The following ART3 variants were observed in gnomAD, a reference collection of about 807,000 sequenced individuals.
ART3 encodes the protein ADP-ribosyltransferase 3 (inactive), also known as ecto-ADP-ribosyltransferase 3.
ART3 carries 49 observed loss-of-function variants against 48.5 expected under a neutral mutation model. That is an observed-to-expected ratio of 1.01 (90% CI 0.80 to 1.28). The LOEUF (loss-of-function observed/expected upper bound fraction) is 1.28. ART3 is among the 50% of genes most tolerant of loss of function. The pLI, the probability that ART3 is intolerant of heterozygous loss-of-function variation, is 0.00. For missense variants in ART3, 438 were observed against 454.3 expected, an observed-to-expected ratio of 0.96 and a Z score of 0.33; for synonymous variants, 145 against 157.2, an observed-to-expected ratio of 0.92 and a Z score of 0.58.
chr4:76,081,953 G>A lies in ART3; in HGVS notation c.199G>A (p.Asp67Asn), dbSNP rs1277938285. 1.2e-6 allele frequency: 2 copies of A among 1,614,070 alleles called. No homozygotes were observed. Among genetic ancestry groups the A allele is most frequent in the African/African-American group, 2.7e-5 (2 of 74,938 alleles). ...GGAAAAAGCAAGCCACCAGCAATTA[G>A]ATACTGTGTGGGAAAATGCAAAAGC... ...KEEKASHQQL[D>N]TVWENAKAKW... Residue 67 changes from aspartate to asparagine, a missense_variant, in exon 3 of 12, where the codon GAT becomes AAT. Physicochemically the swap from Asp to Asn is conservative, Grantham distance 23. Around this residue, in one of 3 missense-constraint regions of ART3, gnomAD observed 206 missense variants for 205.3 expected, o/e 1.00. Transcript: ENST00000355810.
chr4:76,089,402 G>A (rs966511589), intron 3 of ART3, among the ~76,000 whole-genome samples: 3 of 152,108 alleles, frequency 2.0e-5, no homozygotes, highest in African/African-American at 7.2e-5. Flanking sequence ...CGTCCCCTTT[G>A]TGCTGTTATC....
intron 3 of ART3, among the ~76,000 whole-genome samples, chr4:76,096,410 C>G (rs904062631): frequency 7.2e-4 from 109 of 152,326 alleles, no homozygotes; most frequent in African/African-American, 2.3e-3. Flanking sequence ...GACTTGAGAG[C>G]AGATTATAGA....
intron 2 of ART3, among the ~76,000 whole-genome samples, chr4:76,077,361 C>T (rs748573223): frequency 1.2e-4 from 19 of 152,060 alleles, no homozygotes; most frequent in African/African-American, 4.1e-4. Context: ...TTCTTATAGC[C>T]GAGTAATATT....
At chr4:76,080,239 G>A (rs1290005063) in intron 2 of ART3, among the ~76,000 whole-genome samples, 1 of 152,142 alleles carries the variant, frequency 6.6e-6, no homozygotes, top group African/African-American at 2.4e-5. Flanking sequence ...TTCTGTGCTA[G>A]GTGTGTAGGA....
At chr4:76,085,096 T>C (rs546598429) in intron 3 of ART3, among the ~76,000 whole-genome samples, 1 of 152,334 alleles carries the variant, frequency 6.6e-6, no homozygotes, top group East Asian at 1.9e-4. Context: ...ACACATCTGA[T>C]GCTGCTCTGC....
chr4:76,024,235 T>G (rs1733156325), intron 1 of ART3, among the ~76,000 whole-genome samples: 1 of 152,136 alleles, frequency 6.6e-6, no homozygotes, highest in South Asian at 2.1e-4. Context: ...AAAGGATTCA[T>G]AGCTATCCTA....
chr4:76,071,387 T>C (rs1214523560), upstream of ART3, among the ~76,000 whole-genome samples: 1 of 151,946 alleles, frequency 6.6e-6, no homozygotes, highest in Non-Finnish European at 1.5e-5. Flanking sequence ...AAAAAAATTC[T>C]TGGACTCTCT....
At chr4:76,055,153 T>C (rs1718562929) in intron 1 of ART3, among the ~76,000 whole-genome samples, 1 of 152,236 alleles carries the variant, frequency 6.6e-6, no homozygotes, top group African/African-American at 2.4e-5. Flanking sequence ...TCTGTGTTTC[T>C]TACTTCCCTG....
chr4:76,036,447 CT>C (rs528176726), intron 1 of ART3, among the ~76,000 whole-genome samples: 100 of 151,866 alleles, frequency 6.6e-4, no homozygotes, highest in African/African-American at 2.4e-3. Flanking sequence ...TTCTGAAAAG[CT>C]TTTTTTTATT....
At position 76,022,288 on chromosome 4, in the gene ART3, C is replaced by A. The variant is rs1732914099; in HGVS notation, c.-10+10968C>A. 48 of 1,203,372 alleles carry A rather than the reference C, an allele frequency of 4.0e-5. 1 individual carries two copies. In the South Asian group the frequency reaches 5.7e-4, roughly 14 times the overall value. The allele number at this position is 1,203,372 out of a possible 1,614,324, so 74.5% of individuals were successfully genotyped here. Reference sequence around the variant, plus strand: ...TTTAAACCAGCGATTGCACAGCAAACCACAATGCAAGTATTTCTGACTCCC... The same window carrying A: ...TTTAAACCAGCGATTGCACAGCAAAACACAATGCAAGTATTTCTGACTCCC... On this transcript the variant is annotated intron_variant, in intron 1 of 9. Transcript: ENST00000341029.
intron 1 of ART3, among the ~76,000 whole-genome samples, chr4:76,062,443 C>CT (rs1719305422): frequency 1.3e-5 from 2 of 151,672 alleles, no homozygotes; most frequent in Non-Finnish European, 2.9e-5. Flanking sequence ...TTAATAAAGG[C>CT]TAGCTATTAG....
At chr4:76,049,114 G>A (rs903166062) in intron 1 of ART3, among the ~76,000 whole-genome samples, 3 of 151,980 alleles carry the variant, frequency 2.0e-5, no homozygotes, top group African/African-American at 4.8e-5. Flanking sequence ...CCACTATGAC[G>A]GGGCTTTGGG....
chr4:76,031,042 A>C (rs1179983663), intron 1 of ART3, among the ~76,000 whole-genome samples: 1 of 152,146 alleles, frequency 6.6e-6, no homozygotes, highest in African/African-American at 2.4e-5. Context: ...AATTATGTTT[A>C]ACTTATTGCA....
At chr4:76,022,617 T>C (rs1732963622) in intron 1 of ART3, 2 of 1,515,098 alleles carry the variant, frequency 1.3e-6, no homozygotes, top group Non-Finnish European at 1.8e-6. Flanking sequence ...TGATCTTTTT[T>C]TATTATCATT....
chr4:76,108,940 C>T (rs1435916695), intron 11 of ART3, among the ~76,000 whole-genome samples: 1 of 152,020 alleles, frequency 6.6e-6, no homozygotes, highest in Non-Finnish European at 1.5e-5. Flanking sequence ...GTATAGGGCA[C>T]TTAACATGAA....
At chr4:76,107,421 A>G (rs28649343) in intron 10 of ART3, 24,942 of 165,112 alleles carry the variant, frequency 0.15, 2,392 homozygotes, top group East Asian at 0.36. Context: ...GACAGTGTAC[A>G]TAAAGCATTT....
intron 1 of ART3, chr4:76,036,162 C>T (rs1734385290): frequency 1.7e-6 from 1 of 580,578 alleles, no homozygotes; most frequent in Non-Finnish European, 3.0e-6. Flanking sequence ...GAGTCATGCA[C>T]CTTTCCTGCT....
At chr4:76,073,981 A>G (rs779946810), upstream of ART3, among the ~76,000 whole-genome samples, 2 of 152,208 alleles carry the variant, frequency 1.3e-5, no homozygotes, top group Non-Finnish European at 2.9e-5. Context: ...GAATAGTGCT[A>G]CTATCAACAT....
At chr4:76,072,436 C>T (rs1720414501), upstream of ART3, among the ~76,000 whole-genome samples, 1 of 152,098 alleles carries the variant, frequency 6.6e-6, no homozygotes, top group African/African-American at 2.4e-5. Context: ...CAGACATCCA[C>T]TTCATACCAC....
Sources: allele counts gnomAD v4.1 joint callset (sites outside exome capture counted in the v4.1 genomes callset), GRCh38; gene constraint gnomAD v4.1.1; regional missense constraint gnomAD v4.1.1; transcripts MANE v1.5; gene names NCBI Gene and HGNC (gene_info 2026-07-23, HGNC 2026-07-21).